The following CSMD3 variants were observed in gnomAD, a reference collection of about 807,000 sequenced individuals.
CSMD3 encodes CUB and Sushi multiple domains 3.
A neutral mutation model predicts 435.2 loss-of-function variants in CSMD3; 177 were observed. The observed-to-expected ratio is 0.41, with a 90% CI of 0.36 to 0.46. The LOEUF is 0.46. CSMD3 is among the 20% of genes least tolerant of loss of function. The pLI is 0.34. For missense variants in CSMD3, 4,265 were observed against 4,504.6 expected (o/e 0.95, Z 1.52); for synonymous variants, 1,656 against 1,520.5 (o/e 1.09, Z -2.07).
rs150680183 is a variant in CSMD3 at position 112,859,998 on chromosome 8, T to G, written c.1634-732A>C. Among the ~76,000 whole-genome samples the G allele has an allele frequency of 1.7e-4, 26 of 151,958 alleles. No individual in the cohort carries two copies. In the East Asian group the frequency reaches 4.4e-3, roughly 26 times the overall value. On this transcript the variant is annotated intron_variant, in intron 10 of 70. Transcript: ENST00000297405. ...TCATTTTCTAATCTGTCAAAAATAATCTATTGTATATTTAAATGATGAACA... is the reference window on the plus strand; with the variant it reads ...TCATTTTCTAATCTGTCAAAAATAAGCTATTGTATATTTAAATGATGAACA...
At chr8:112,807,554 G>T (rs759797328) in intron 12 of CSMD3, among the ~76,000 whole-genome samples, 2 of 151,718 alleles carry the variant, frequency 1.3e-5, no homozygotes, top group Non-Finnish European at 2.9e-5. Flanking sequence ...TACATGTTTG[G>T]TGTCCATCAA....
chr8:113,008,541 T>G (rs2086141407), intron 6 of CSMD3, among the ~76,000 whole-genome samples: 1 of 151,720 alleles, frequency 6.6e-6, no homozygotes, highest in African/African-American at 2.4e-5. Context: ...ATTTTTAATT[T>G]TATTTAATTA....
chr8:112,437,856 C>G (rs760037566), intron 32 of CSMD3, among the ~76,000 whole-genome samples: 1 of 152,138 alleles, frequency 6.6e-6, no homozygotes, highest in Admixed American at 6.6e-5. Flanking sequence ...GAGAGCTCCT[C>G]TACCTTCAAT....
chr8:112,249,213 T>A (rs1449861918), intron 63 of CSMD3, among the ~76,000 whole-genome samples: 1 of 152,118 alleles, frequency 6.6e-6, no homozygotes, highest in East Asian at 1.9e-4. Context: ...CCACCAAAAC[T>A]GGCAATTTTA....
chr8:112,414,382 G>C (rs914053874), intron 32 of CSMD3, among the ~76,000 whole-genome samples: 1 of 152,066 alleles, frequency 6.6e-6, no homozygotes, highest in African/African-American at 2.4e-5. Flanking sequence ...CATTCCCCCT[G>C]CTGGCTCACC....
At chr8:113,224,857 G>C (rs2093008889) in intron 3 of CSMD3, among the ~76,000 whole-genome samples, 2 of 150,802 alleles carry the variant, frequency 1.3e-5, no homozygotes, top group South Asian at 4.2e-4. Flanking sequence ...GTTCATCTAA[G>C]AGGTATGAAA....
intron 1 of CSMD3, among the ~76,000 whole-genome samples, chr8:113,435,839 A>G: frequency 6.6e-6 from 1 of 152,036 alleles, no homozygotes; most frequent in East Asian, 1.9e-4. Flanking sequence ...CTCCCTAAGG[A>G]CAGCTCTTTT....
chr8:112,398,230 T>C (rs1469393152), intron 35 of CSMD3, among the ~76,000 whole-genome samples: 1 of 152,142 alleles, frequency 6.6e-6, no homozygotes, highest in Non-Finnish European at 1.5e-5. Flanking sequence ...GACTCACAGG[T>C]TGGAGGTCTC....
At chr8:112,511,658 G>A (rs1275580650) in intron 28 of CSMD3, among the ~76,000 whole-genome samples, 1 of 151,982 alleles carries the variant, frequency 6.6e-6, no homozygotes, top group African/African-American at 2.4e-5. Flanking sequence ...CCAAAGTGCT[G>A]GGATTACAGA....
chr8:113,080,113 T>C (rs1393699296), intron 5 of CSMD3, among the ~76,000 whole-genome samples: 3 of 152,172 alleles, frequency 2.0e-5, no homozygotes, highest in Non-Finnish European at 2.9e-5. Flanking sequence ...GCCGTTAACA[T>C]GTTCTCTGGA....
chr8:112,871,559 C>T (rs771920208), intron 10 of CSMD3, among the ~76,000 whole-genome samples: 14 of 151,874 alleles, frequency 9.2e-5, no homozygotes, highest in Admixed American at 2.0e-4. Flanking sequence ...TTTTCATGGA[C>T]GTGCATAGCA....
chr8:113,111,679 G>T (rs185924408), intron 4 of CSMD3, among the ~76,000 whole-genome samples: 1 of 152,000 alleles, frequency 6.6e-6, no homozygotes, highest in Non-Finnish European at 1.5e-5. Flanking sequence ...TTTTATTTAT[G>T]TATTTATTTA....
At chr8:112,453,478 C>T (rs2130617675) in intron 32 of CSMD3, among the ~76,000 whole-genome samples, 1 of 152,168 alleles carries the variant, frequency 6.6e-6, no homozygotes, top group East Asian at 1.9e-4. Flanking sequence ...AACGTTCAAG[C>T]TGAGAGCCAA....
At chr8:112,729,486 A>G (rs1237408997) in intron 13 of CSMD3, among the ~76,000 whole-genome samples, 1 of 152,108 alleles carries the variant, frequency 6.6e-6, no homozygotes. Context: ...AGTGAAACAA[A>G]GATTTTTGCT....
intron 50 of CSMD3, 22 bp from the exon 51 acceptor site, chr8:112,306,214 C>CA: frequency 6.3e-7 from 1 of 1,591,528 alleles, no homozygotes; most frequent in Non-Finnish European, 8.6e-7. Flanking sequence ...TACACACAAG[C>CA]AAAATCGTAT....
At chr8:113,138,640 A>C (rs1564357273) in intron 4 of CSMD3, among the ~76,000 whole-genome samples, 2 of 151,318 alleles carry the variant, frequency 1.3e-5, no homozygotes, top group African/African-American at 2.4e-5. Context: ...AATATTGCAA[A>C]TTCATAAGGG....
chr8:112,824,466 G>T (rs1052095654), intron 12 of CSMD3, among the ~76,000 whole-genome samples: 9 of 152,126 alleles, frequency 5.9e-5, no homozygotes, highest in African/African-American at 2.2e-4. Context: ...CATATTGAGT[G>T]CTTCCTTCAG....
At chr8:112,420,633 T>G (rs575775214) in intron 32 of CSMD3, among the ~76,000 whole-genome samples, 2 of 152,174 alleles carry the variant, frequency 1.3e-5, no homozygotes, top group Admixed American at 1.3e-4. Context: ...ATGAGTCTTT[T>G]AAAGCAGAGA....
intron 53 of CSMD3, 139 bp downstream of exon 53, chr8:112,301,654 A>G: frequency 1.5e-6 from 1 of 671,082 alleles, no homozygotes; most frequent in South Asian, 1.7e-5. Flanking sequence ...AGCCATTTTT[A>G]AAGATAAGTA....
Sources: gnomAD v4.1 joint callset for allele counts (sites outside exome capture counted in the v4.1 genomes callset) on GRCh38, gnomAD v4.1.1 for gene constraint, MANE v1.5 for transcripts, NCBI Gene and HGNC (gene_info 2026-07-23, HGNC 2026-07-21) for gene names.